The following PRKG1 variants were observed in gnomAD, a reference collection of about 807,000 sequenced individuals.
The protein encoded by PRKG1 is protein kinase cGMP-dependent 1.
A neutral mutation model predicts 88.1 loss-of-function variants in PRKG1; 35 were observed. The ratio of observed to expected loss-of-function variants is 0.40; its 90% confidence interval spans 0.30 to 0.53. The LOEUF (loss-of-function observed/expected upper bound fraction) is 0.53, where lower values mean the gene tolerates loss of function less well. Among genes scored for constraint, PRKG1 ranks in the 20% least tolerant of loss-of-function variants. The pLI is 0.59. For synonymous variants in PRKG1, 303 were observed against 292.5 expected (o/e 1.04, Z -0.37); for missense variants, 540 against 839.8 (o/e 0.64, Z 4.41).
intron 7 of PRKG1, among the ~76,000 whole-genome samples, chr10:52,093,174 A>G (rs1297832990): frequency 1.3e-5 from 2 of 152,176 alleles, no homozygotes; most frequent in Non-Finnish European, 2.9e-5. Flanking sequence ...GACAAATATT[A>G]TATTGGAACA....
chr10:51,621,068 T>C (rs1174404390), intron 3 of PRKG1, among the ~76,000 whole-genome samples: 1 of 144,440 alleles, frequency 6.9e-6, no homozygotes, highest in Non-Finnish European at 1.5e-5. Flanking sequence ...AACTGACTCC[T>C]ATATGTATGA....
chr10:51,926,748 T>C (rs1842586490), intron 5 of PRKG1, among the ~76,000 whole-genome samples: 1 of 120,682 alleles, frequency 8.3e-6, no homozygotes, highest in African/African-American at 3.5e-5. Context: ...TTGCCTAGCA[T>C]AGTTTTTTTT....
chr10:51,286,389 AT>A (rs1418734675), intron 2 of PRKG1, among the ~76,000 whole-genome samples: 2 of 152,182 alleles, frequency 1.3e-5, no homozygotes. Context: ...ATCCCTGACT[AT>A]GAATCGTCCC....
intron 2 of PRKG1, among the ~76,000 whole-genome samples, chr10:51,435,049 A>G (rs1588954674): frequency 6.6e-6 from 1 of 152,138 alleles, no homozygotes; most frequent in Admixed American, 6.5e-5. Context: ...TTTTCCAGTT[A>G]GTTATTTGAA....
chr10:51,920,364 A>T (rs1937686), intron 5 of PRKG1, among the ~76,000 whole-genome samples: 24,710 of 152,090 alleles, frequency 0.16, 2,782 homozygotes, highest in East Asian at 0.49. Context: ...GAGAGAGCTG[A>T]ACTGTTGTCA....
intron 1 of PRKG1, among the ~76,000 whole-genome samples, chr10:51,005,873 C>G (rs1256100589): frequency 6.6e-6 from 1 of 152,210 alleles, no homozygotes; most frequent in Non-Finnish European, 1.5e-5. Flanking sequence ...TTTCTCTCCC[C>G]TCCTCTCATT....
intron 3 of PRKG1, among the ~76,000 whole-genome samples, chr10:51,560,712 G>C (rs976294209): frequency 2.6e-5 from 4 of 151,732 alleles, no homozygotes; most frequent in Non-Finnish European, 5.9e-5. Context: ...ATAATTAATT[G>C]ATTGTTTCTC....
intron 7 of PRKG1, 56 bp from the exon 8 acceptor site, chr10:52,133,784 C>T: frequency 1.4e-6 from 2 of 1,402,348 alleles, no homozygotes; most frequent in South Asian, 1.2e-5. Context: ...TCACAATGGA[C>T]ACTGTGCTTT....
chr10:52,106,528 C>A (rs1343884003), intron 7 of PRKG1, among the ~76,000 whole-genome samples: 3 of 151,950 alleles, frequency 2.0e-5, no homozygotes, highest in Non-Finnish European at 4.4e-5. Flanking sequence ...AGATCATGTA[C>A]TTTAGGCCAG....
intron 10 of PRKG1, among the ~76,000 whole-genome samples, chr10:52,270,563 C>G (rs1426351815): frequency 6.6e-6 from 1 of 152,002 alleles, no homozygotes; most frequent in Admixed American, 6.6e-5. Flanking sequence ...AGTTCATGTC[C>G]TTTGCAGGGA....
intron 1 of PRKG1, among the ~76,000 whole-genome samples, chr10:51,076,199 C>T: frequency 6.6e-6 from 1 of 152,078 alleles, no homozygotes; most frequent in Non-Finnish European, 1.5e-5. Context: ...GGAACATTTG[C>T]TGTTCATGCA....
chr10:51,009,256 G>A (rs1453765929), intron 1 of PRKG1, among the ~76,000 whole-genome samples: 2 of 152,142 alleles, frequency 1.3e-5, no homozygotes, highest in East Asian at 3.8e-4. Context: ...GATAAAGATA[G>A]ATTTTCTTTG....
rs74947045 is a variant in PRKG1, at chr10:51,094,548, T to A, written c.311+19647T>A. ...CAGTGTGCTTTAGAATCCAGATTTT[T>A]TTTTTTCTTTCAGGTTTTTGAATGG... On this transcript the variant is annotated intron_variant, in intron 1 of 17. Coordinates refer to ENST00000373980, the MANE Select transcript of PRKG1 (RefSeq NM_006258.4). 4.2e-3 allele frequency among the ~76,000 whole-genome samples: 640 copies of A among 152,204 alleles called. 3 individuals are homozygous for A. The highest frequency in any genetic ancestry group is 0.014 in the African/African-American group (599 of 41,536).
chr10:51,691,840 A>G (rs1170577204), intron 3 of PRKG1, among the ~76,000 whole-genome samples: 1 of 152,212 alleles, frequency 6.6e-6, no homozygotes, highest in Non-Finnish European at 1.5e-5. Flanking sequence ...TGTAGGCTCA[A>G]TTGGTCCACA....
At chr10:52,023,988 A>C (rs1341619069) in intron 5 of PRKG1, among the ~76,000 whole-genome samples, 2 of 152,180 alleles carry the variant, frequency 1.3e-5, no homozygotes, top group African/African-American at 4.8e-5. Flanking sequence ...GTCTTTGCCC[A>C]TGCCTGTGTC....
chr10:51,947,013 A>G (rs978797326), intron 5 of PRKG1, among the ~76,000 whole-genome samples: 1 of 152,038 alleles, frequency 6.6e-6, no homozygotes, highest in Non-Finnish European at 1.5e-5. Context: ...GGGACATTTA[A>G]GTCTACAGAG....
intron 5 of PRKG1, among the ~76,000 whole-genome samples, chr10:52,021,814 T>G (rs1845193660): frequency 6.6e-6 from 1 of 152,236 alleles, no homozygotes; most frequent in Non-Finnish European, 1.5e-5. Flanking sequence ...CAATGTAACC[T>G]AATGAATTAT....
intron 2 of PRKG1, among the ~76,000 whole-genome samples, chr10:51,325,733 T>A (rs1841573984): frequency 1.3e-5 from 2 of 152,210 alleles, no homozygotes; most frequent in South Asian, 4.2e-4. Flanking sequence ...CTTCTAGTAG[T>A]TTTATAGTTT....
chr10:52,081,373 A>G (rs549280843), intron 7 of PRKG1, among the ~76,000 whole-genome samples: 1 of 152,258 alleles, frequency 6.6e-6, no homozygotes, highest in South Asian at 2.1e-4. Context: ...CAGGGTTCAT[A>G]TAAGTGTTAA....
Sources: gnomAD v4.1 joint callset for allele counts (sites outside exome capture counted in the v4.1 genomes callset) on GRCh38, gnomAD v4.1.1 for gene constraint, MANE v1.5 for transcripts, NCBI Gene and HGNC (gene_info 2026-07-23, HGNC 2026-07-21) for gene names.